The following CELSR3 variants were observed in gnomAD, a reference collection of about 807,000 sequenced individuals.
The protein encoded by CELSR3 is cadherin EGF LAG seven-pass G-type receptor 3.
Under a neutral mutation model 270.0 loss-of-function variants are expected in CELSR3, and 73 were observed. That is an observed-to-expected ratio of 0.27 (90% CI 0.22 to 0.33). The LOEUF (loss-of-function observed/expected upper bound fraction) is 0.33, where lower values mean the gene tolerates loss of function less well. CELSR3 is among the 10% of genes least tolerant of loss of function. The probability of loss-of-function intolerance (pLI) is 1.00; values close to 1 mark genes in which losing one functional copy is unlikely to be tolerated. For synonymous variants in CELSR3, 1,780 were observed against 1,905.4 expected, an observed-to-expected ratio of 0.93 and a Z score of 1.71; for missense variants, 3,614 against 4,533.8, an observed-to-expected ratio of 0.80 and a Z score of 5.83.
In CELSR3 at chr3:48,660,833, T is replaced by C; in HGVS notation, c.1802A>G (p.Glu601Gly). The change falls in exon 1 of 35, where the codon GAG becomes GGG. Residue 601 changes from glutamate to glycine, a missense_variant. Coordinates refer to ENST00000164024, the MANE Select transcript of CELSR3 (RefSeq NM_001407.3). This position sits in a 1 kb window ranked among gnomAD's most constrained non-coding sequence, Gnocchi z 5.5. Reference sequence around the variant, plus strand: ...GTCCAGAGGTGCCACCACCTGGATCTCGCCAGTGAGGCTGTCGATGGCAAA... The same window carrying C: ...GTCCAGAGGTGCCACCACCTGGATCCCGCCAGTGAGGCTGTCGATGGCAAA... The part of the protein sequence containing the change: ...GHFAIDSLTG[E>G]IQVVAPLDFE... 6.2e-7 allele frequency: 1 copy of C among 1,614,078 alleles called. No individual in the cohort carries two copies. The highest frequency in any genetic ancestry group is 8.5e-7 in the Non-Finnish European group (1 of 1,180,008).
chr3:48,656,706 C>T lies in CELSR3; in HGVS notation c.4391G>A (p.Arg1464His). Residue 1464 changes from arginine to histidine, a missense_variant, in exon 2 of 35, where the codon CGC becomes CAC. Transcript: ENST00000164024. ...CCCGGCGCCCTGCTCACCGGTGAAGCGCGGGCGGCAGACGCACGTGTAGCC... is the reference window on the plus strand; with the variant it reads ...CCCGGCGCCCTGCTCACCGGTGAAGTGCGGGCGGCAGACGCACGTGTAGCC... ...EGGYTCVCRP[R>H]FTGEDCELDT... 6.7e-7 allele frequency: 1 copy of T among 1,490,430 alleles called. No homozygotes were observed. The highest frequency in any genetic ancestry group is 8.9e-7 in the Non-Finnish European group (1 of 1,126,774). The allele number at this position is 1,490,430 out of a possible 1,614,324, so 92.3% of individuals were successfully genotyped here.
rs143991950 is a variant in CELSR3 at position 48,641,484 on chromosome 3, C to A, written c.8865G>T (p.Leu2955=). 40 of 1,612,416 alleles carry A rather than the reference C, an allele frequency of 2.5e-5. No individual in the cohort carries two copies. The African/African-American group carries it at 3.7e-4, about 15-fold the overall frequency. ...GNDLLSYWPA[L]GECEAAPCAL... ...CACAGGGGGCTGCCTCGCACTCCCC[C>A]AGGGCTGGCCAGTAGGACAGGAGGT... is the stretch of plus-strand genomic sequence containing the variant. Residue 2955 remains leucine, a synonymous_variant, in exon 33 of 35, where the codon CTG becomes CTT. Transcript: ENST00000164024. This position sits in a 1 kb window ranked among gnomAD's most constrained non-coding sequence, Gnocchi z 4.8.
chr3:48,642,273 C>T lies in CELSR3; in HGVS notation c.8665+85G>A, dbSNP rs1230086675. The T allele has an allele frequency of 7.1e-7, 1 of 1,408,146 alleles. No individual in the cohort carries two copies. Among genetic ancestry groups the T allele is most frequent in the Non-Finnish European group, 9.6e-7 (1 of 1,036,966 alleles). 87.2% of individuals were successfully genotyped at this position (1,408,146 alleles called of 1,614,324 possible). A position where few individuals can be genotyped will look rare whatever the true frequency, so the allele number is the denominator to read the frequency against. ...GGGAGATCGTCCCACCCCAGTCAGC[C>T]ACTGCTCCCAGTATGGGGTAGAAGA... is the stretch of plus-strand genomic sequence containing the variant. On this transcript the variant is annotated intron_variant, in intron 31 of 34. Transcript: ENST00000164024. This position sits in a 1 kb window ranked among gnomAD's most constrained non-coding sequence, Gnocchi z 6.1.
Position 48,646,879 on chromosome 3 carries a change from G to A in CELSR3, c.7179C>T (p.Val2393=). 2 of 1,584,518 alleles carry A rather than the reference G, an allele frequency of 1.3e-6. No individual in the cohort carries two copies. The highest frequency in any genetic ancestry group is 8.6e-7 in the Non-Finnish European group (1 of 1,169,386). ...CTGGCTCTGGCGGGGCTGGTGGGGGGACCACACTTGAGGTGGTGGAGTTTT... is the reference window on the plus strand; with the variant it reads ...CTGGCTCTGGCGGGGCTGGTGGGGGAACCACACTTGAGGTGGTGGAGTTTT... The part of the protein sequence containing the change: ...SIENSTTSSV[V]PPPAPPEPEP... The change falls in exon 21 of 35, where the codon GTC becomes GTT. Residue 2393 remains valine, a synonymous_variant. Coordinates refer to ENST00000164024, the MANE Select transcript of CELSR3 (RefSeq NM_001407.3). The surrounding 1 kb of genome is among the most constrained non-coding windows in gnomAD (Gnocchi z 4.8).
chr3:48,648,249 C>CCCCCCCCAAA lies in CELSR3; in HGVS notation c.6973+16_6973+17insTTTGGGGGGG. 2.7e-6 allele frequency: 2 copies of CCCCCCCCAAA among 728,334 alleles called. No individual in the cohort carries two copies. Among genetic ancestry groups the CCCCCCCCAAA allele is most frequent in the Non-Finnish European group, 4.6e-6 (2 of 433,716 alleles). 45.1% of individuals were successfully genotyped at this position (728,334 alleles called of 1,614,324 possible). On this transcript the variant is annotated intron_variant, in intron 19 of 34. Coordinates refer to ENST00000164024, the MANE Select transcript of CELSR3 (RefSeq NM_001407.3). Reference sequence around the variant, plus strand: ...GGCCCCCCTGCTGTGCCCCGCCCTACCCCACCCACAACGCACTGATATTAG... The same window carrying CCCCCCCCAAA: ...GGCCCCCCTGCTGTGCCCCGCCCTACCCCCCCCAAACCCACCCACAACGCACTGATATTAG...
rs146926962 is a variant in CELSR3 at position 48,645,503 on chromosome 3, T to C, written c.7737A>G (p.Ala2579=). 3.1e-3 allele frequency: 4,921 copies of C among 1,612,848 alleles called. 16 individuals carry two copies. Among genetic ancestry groups the C allele is most frequent in the South Asian group, 3.7e-3 (340 of 91,090 alleles). The change falls in exon 24 of 35, where the codon GCA becomes GCG. Residue 2579 remains alanine, a synonymous_variant. Coordinates refer to ENST00000164024, the MANE Select transcript of CELSR3 (RefSeq NM_001407.3). The surrounding 1 kb of genome is among the most constrained non-coding windows in gnomAD (Gnocchi z 5.4). ...SNVRGIHANV[A]AALGVAELLF... ...GGAGCTCTGCCACCCCCAGGGCGGC[T>C]GCCACATTGGCATGGATCCCACGCA...
rs1323109834 is a variant in CELSR3 at position 48,648,308 on chromosome 3, G to A, written c.6931C>T (p.Leu2311Phe). The stretch of plus-strand genomic sequence containing the variant: ...AGCCCCATGGGATTCAGGTATGTGA[G>A]TTCCATATTCCTTGCGAGTGTGGCT... ...YAATLARNME[L>F]TYLNPMGLVT... Residue 2311 changes from leucine (L) to phenylalanine (F), a missense_variant, in exon 19 of 35, where the codon CTC becomes TTC. Leu to Phe is a conservative substitution (Grantham distance 22). Coordinates refer to ENST00000164024, the MANE Select transcript of CELSR3 (RefSeq NM_001407.3). 1.2e-6 allele frequency: 2 copies of A among 1,607,424 alleles called. No individual in the cohort carries two copies. Among genetic ancestry groups the A allele is most frequent in the African/African-American group, 2.7e-5 (2 of 74,580 alleles).
In CELSR3 at chr3:48,658,843, C is replaced by G. The variant is rs201605033; in HGVS notation, c.3748+44G>C. On this transcript the variant is annotated intron_variant, in intron 1 of 34. Transcript: ENST00000164024. This position sits in a 1 kb window ranked among gnomAD's most constrained non-coding sequence, Gnocchi z 4.7. ...GCCCTGTGGAGTCCCTGAGGCCCAA[C>G]AGGTTGGTGTCACTGGGTCACTTGC... 40 of 1,592,980 alleles carry G rather than the reference C, an allele frequency of 2.5e-5. No homozygotes were observed. The East Asian group carries it at 8.7e-4, about 35-fold the overall frequency.
chr3:48,655,753 C>G lies in CELSR3; in HGVS notation c.4724G>C (p.Arg1575Pro). ...GCACCCACCCGTGGAATATGTGAGC[C>G]GCACTTGGCCAGCCACGAGTTCCAG... Reference protein sequence around the residue: ...LALELVAGQVRLTYSTGESNT... With the variant: ...LALELVAGQVPLTYSTGESNT... The change falls in exon 4 of 35, where the codon CGG becomes CCG. Residue 1575 changes from arginine (R) to proline (P), a missense_variant. Coordinates refer to ENST00000164024, the MANE Select transcript of CELSR3 (RefSeq NM_001407.3). The surrounding 1 kb of genome is among the most constrained non-coding windows in gnomAD (Gnocchi z 5.8). The G allele has an allele frequency of 6.2e-7, 1 of 1,613,656 alleles. No individual in the cohort carries two copies. The highest frequency in any genetic ancestry group is 8.5e-7 in the Non-Finnish European group (1 of 1,179,914).
chr3:48,641,787 G>T lies in CELSR3; in HGVS notation c.8824+64C>A. On this transcript the variant is annotated intron_variant, in intron 32 of 34. Coordinates refer to ENST00000164024, the MANE Select transcript of CELSR3 (RefSeq NM_001407.3). This position sits in a 1 kb window ranked among gnomAD's most constrained non-coding sequence, Gnocchi z 4.8. ...GAACCCCAACCGCAGGAAAGATGGG[G>T]AGCTGGAGGGATAACAAATGGGGCA... The T allele has an allele frequency of 7.2e-7, 1 of 1,390,616 alleles. No individual in the cohort carries two copies. The highest frequency in any genetic ancestry group is 9.5e-7 in the Non-Finnish European group (1 of 1,054,674). 86.1% of individuals were successfully genotyped at this position (1,390,616 alleles called of 1,614,324 possible).
chr3:48,651,790 C>A lies in CELSR3; in HGVS notation c.5924-72G>T. On this transcript the variant is annotated intron_variant, in intron 12 of 34. Transcript: ENST00000164024. The surrounding 1 kb of genome is among the most constrained non-coding windows in gnomAD (Gnocchi z 7.4). ...AAGGAAGCAGGCACCCGTCCCGAGT[C>A]CCTGCCTCCTTCAGGTTCCCCAGTC... 6.5e-7 allele frequency: 1 copy of A among 1,537,950 alleles called. No homozygotes were observed. Among genetic ancestry groups the A allele is most frequent in the Admixed American group, 2.1e-5 (1 of 47,540 alleles).
Position 48,644,991 on chromosome 3 carries a change from G to T in CELSR3, c.7972+44C>A. ...AGCAGGAGTGGGGACAGGGTCAGGGGTCAGGCCATGTGATGGTTGGAGGTT... is the reference window on the plus strand; with the variant it reads ...AGCAGGAGTGGGGACAGGGTCAGGGTTCAGGCCATGTGATGGTTGGAGGTT... On this transcript the variant is annotated intron_variant, in intron 25 of 34. Coordinates refer to ENST00000164024, the MANE Select transcript of CELSR3 (RefSeq NM_001407.3). The surrounding 1 kb of genome is among the most constrained non-coding windows in gnomAD (Gnocchi z 4.8). The T allele has an allele frequency of 7.7e-6, 12 of 1,557,178 alleles. No homozygotes were observed. The highest frequency in any genetic ancestry group is 1.0e-5 in the Non-Finnish European group (12 of 1,145,052).
chr3:48,642,127 G>T lies in CELSR3; in HGVS notation c.8666-118C>A. 1 of 1,020,594 alleles carries T rather than the reference G, an allele frequency of 9.8e-7. No homozygotes were observed. Among genetic ancestry groups the T allele is most frequent in the Non-Finnish European group, 1.4e-6 (1 of 716,120 alleles). The allele number at this position is 1,020,594 out of a possible 1,614,324, so 63.2% of individuals were successfully genotyped here. A position where few individuals can be genotyped will look rare whatever the true frequency, so the allele number is the denominator to read the frequency against. ...GGGGTTAGGGTTGGGGACAGGAACC[G>T]GGGCTTGAAGTGGAGGTAGCAGCAG... On this transcript the variant is annotated intron_variant, in intron 31 of 34. Transcript: ENST00000164024. The surrounding 1 kb of genome is among the most constrained non-coding windows in gnomAD (Gnocchi z 6.1).
Position 48,641,486 on chromosome 3 carries a change from G to A in CELSR3, c.8863C>T (p.Leu2955=), listed in dbSNP as rs1157715873. 2 of 1,612,518 alleles carry A rather than the reference G, an allele frequency of 1.2e-6. No individual in the cohort carries two copies. Among genetic ancestry groups the A allele is most frequent in the East Asian group, 2.2e-5 (1 of 44,876 alleles). Residue 2955 remains leucine, a synonymous_variant, in exon 33 of 35, where the codon CTG becomes TTG. Transcript: ENST00000164024. The surrounding 1 kb of genome is among the most constrained non-coding windows in gnomAD (Gnocchi z 4.8). ...CAGGGGGCTGCCTCGCACTCCCCCA[G>A]GGCTGGCCAGTAGGACAGGAGGTCA... ...GNDLLSYWPA[L]GECEAAPCAL...
chr3:48,650,759 G>A lies in CELSR3; in HGVS notation c.6370+133C>T. ...GCAAAGTACTTGGGGCAAAGGTAGG[G>A]TTCCCTGGGTGTAAGTGGTCTCCCT... is the stretch of plus-strand genomic sequence containing the variant. On this transcript the variant is annotated intron_variant, in intron 15 of 34. Transcript: ENST00000164024. The surrounding 1 kb of genome is among the most constrained non-coding windows in gnomAD (Gnocchi z 5.1). 8.9e-7 allele frequency: 1 copy of A among 1,127,420 alleles called. No homozygotes were observed. Among genetic ancestry groups the A allele is most frequent in the Non-Finnish European group, 1.3e-6 (1 of 798,630 alleles). 69.8% of individuals were successfully genotyped at this position (1,127,420 alleles called of 1,614,324 possible).
rs780071455 is a variant in CELSR3 at position 48,661,518 on chromosome 3, G to C, written c.1117C>G (p.Leu373Val). 6.2e-7 allele frequency: 1 copy of C among 1,604,426 alleles called. No individual in the cohort carries two copies. Among genetic ancestry groups the C allele is most frequent in the South Asian group, 1.1e-5 (1 of 90,492 alleles). Residue 373 changes from leucine to valine, a missense_variant, in exon 1 of 35, where the codon CTG becomes GTG. Coordinates refer to ENST00000164024, the MANE Select transcript of CELSR3 (RefSeq NM_001407.3). The stretch of plus-strand genomic sequence containing the variant: ...TGCGGGTCGATGCTGAACAGCTCCA[G>C]CGAGCGGCTGTTCATGAGTGCCGCC... ...SLAALMNSRS[L>V]ELFSIDPQSG...
Position 48,654,263 on chromosome 3 carries a change from T to G in CELSR3, c.5152+26A>C. ...CTATGATGGGGACAGGGCCATGGGC[T>G]AGGCTGGTGGAAGCTTCAGGCCTAC... On this transcript the variant is annotated intron_variant, in intron 7 of 34. Coordinates refer to ENST00000164024, the MANE Select transcript of CELSR3 (RefSeq NM_001407.3). This position sits in a 1 kb window ranked among gnomAD's most constrained non-coding sequence, Gnocchi z 5.4. The G allele has an allele frequency of 6.2e-7, 1 of 1,613,454 alleles. No individual in the cohort carries two copies. The highest frequency in any genetic ancestry group is 8.5e-7 in the Non-Finnish European group (1 of 1,179,960).
chr3:48,653,482 G>T lies in CELSR3; in HGVS notation c.5448+137C>A. On this transcript the variant is annotated intron_variant, in intron 9 of 34. Transcript: ENST00000164024. This position sits in a 1 kb window ranked among gnomAD's most constrained non-coding sequence, Gnocchi z 6.5. Reference sequence around the variant, plus strand: ...GATGGAAAGAGAATCAAGGGCTAGGGTCCAGAGCAGGGTCAAGTGTGGTTG... The same window carrying T: ...GATGGAAAGAGAATCAAGGGCTAGGTTCCAGAGCAGGGTCAAGTGTGGTTG... 1 of 1,013,912 alleles carries T rather than the reference G, an allele frequency of 9.9e-7. No individual in the cohort carries two copies. Among genetic ancestry groups the T allele is most frequent in the Non-Finnish European group, 1.5e-6 (1 of 673,530 alleles). The allele number at this position is 1,013,912 out of a possible 1,614,324, so 62.8% of individuals were successfully genotyped here.
Position 48,644,650 on chromosome 3 carries a change from C to G in CELSR3, c.8085+66G>C. 2 of 1,320,030 alleles carry G rather than the reference C, an allele frequency of 1.5e-6. No homozygotes were observed. Among genetic ancestry groups the G allele is most frequent in the Non-Finnish European group, 2.2e-6 (2 of 922,492 alleles). 81.8% of individuals were successfully genotyped at this position (1,320,030 alleles called of 1,614,324 possible). ...GCCACCTGACCGCCCTCAGCTGAGT[C>G]CACTGCACCTCCTCCCCCAATGAGG... On this transcript the variant is annotated intron_variant, in intron 26 of 34. Coordinates refer to ENST00000164024, the MANE Select transcript of CELSR3 (RefSeq NM_001407.3). The surrounding 1 kb of genome is among the most constrained non-coding windows in gnomAD (Gnocchi z 4.8).
Sources: allele counts gnomAD v4.1 joint callset, GRCh38; gene constraint gnomAD v4.1.1; non-coding constraint Gnocchi (gnomAD v3.1); transcripts MANE v1.5; gene names NCBI Gene and HGNC (gene_info 2026-07-23, HGNC 2026-07-21).